YTHDF3: variants seen among roughly 807,000 people sequenced by gnomAD.
YTHDF3 encodes the protein YTH domain-containing family protein 3.
Under a neutral mutation model 52.5 loss-of-function variants are expected in YTHDF3, and 9 were observed. That is an observed-to-expected ratio of 0.17 (90% CI 0.10 to 0.30). The LOEUF (loss-of-function observed/expected upper bound fraction) is 0.30. Ranked by LOEUF, YTHDF3 falls within the 10% of genes least tolerant of loss-of-function variation. The pLI is 1.00. For synonymous variants in YTHDF3, 274 were observed against 243.3 expected, an observed-to-expected ratio of 1.13 and a Z score of -1.18; for missense variants, 534 against 715.0, an observed-to-expected ratio of 0.75 and a Z score of 2.89.
At chr8:63,205,886 C>G (rs1336585556) in intron 4 of YTHDF3, among the ~76,000 whole-genome samples, 1 of 152,126 alleles carries the variant, frequency 6.6e-6, no homozygotes, top group African/African-American at 2.4e-5. Flanking sequence ...AGCAGAGGTT[C>G]TTAAAAAATG....
chr8:63,201,967 C>T (rs962396214), intron 4 of YTHDF3, among the ~76,000 whole-genome samples: 1 of 152,172 alleles, frequency 6.6e-6, no homozygotes, highest in African/African-American at 2.4e-5. Flanking sequence ...TTCTAATCAA[C>T]CTATGCCACC....
At chr8:63,170,960 G>A (rs568125005) in intron 2 of YTHDF3, among the ~76,000 whole-genome samples, 7 of 151,920 alleles carry the variant, frequency 4.6e-5, no homozygotes, top group Non-Finnish European at 7.4e-5. Flanking sequence ...TATGAGTTGA[G>A]TTATCTATAA....
chr8:63,181,836 A>C (rs1463477148), intron 3 of YTHDF3, among the ~76,000 whole-genome samples: 2 of 152,322 alleles, frequency 1.3e-5, no homozygotes, highest in South Asian at 4.1e-4. Context: ...TAGGTTATCT[A>C]ATAGAATTAG....
At chr8:63,183,927 A>G (rs761126005) in intron 3 of YTHDF3, among the ~76,000 whole-genome samples, 9 of 152,204 alleles carry the variant, frequency 5.9e-5, no homozygotes, top group Non-Finnish European at 7.3e-5. Flanking sequence ...TATGTAACCT[A>G]TGCACATCCT....
At chr8:63,188,241 C>T (rs1391413086) in intron 4 of YTHDF3, among the ~76,000 whole-genome samples, 1 of 151,986 alleles carries the variant, frequency 6.6e-6, no homozygotes, top group African/African-American at 2.4e-5. Flanking sequence ...AAGCAATCCT[C>T]CTGCCTTAGA....
intron 4 of YTHDF3, among the ~76,000 whole-genome samples, chr8:63,197,373 G>T (rs907211267): frequency 6.6e-6 from 1 of 152,108 alleles, no homozygotes; most frequent in South Asian, 2.1e-4. Flanking sequence ...CTGTCTATTG[G>T]TTTTTTTCAT....
chr8:63,209,665 G>GTT lies in YTHDF3; in HGVS notation c.1735-17_1735-16insTT. ...TCATTGTAATTCTTTTTGTGTGTGT[G>GTT]TGTTTTTTTTTTTTCAGGAGAGAAA... On this transcript the variant is annotated splice_polypyrimidine_tract_variant and intron_variant, in intron 4 of 4. Coordinates refer to ENST00000539294, the MANE Select transcript of YTHDF3 (RefSeq NM_152758.6). 1 of 1,536,850 alleles carries GTT rather than the reference G, an allele frequency of 6.5e-7. No individual in the cohort carries two copies. The highest frequency in any genetic ancestry group is 8.7e-7 in the Non-Finnish European group (1 of 1,145,400).
chr8:63,186,021 TTATC>T (rs1808474489), intron 3 of YTHDF3, 122 bp from the exon 4 acceptor site: 1 of 1,028,750 alleles, frequency 9.7e-7, no homozygotes. Flanking sequence ...TTAATTTTGT[TTATC>T]TAGAATAGGT....
rs759642549 is a variant in YTHDF3, at chr8:63,187,317, T to A, written c.1306T>A (p.Ser436Thr). The A allele has an allele frequency of 5.6e-6, 9 of 1,614,058 alleles. No homozygotes were observed. The South Asian group carries it at 9.9e-5, about 18-fold the overall frequency. The stretch of plus-strand genomic sequence containing the variant: ...TGACATACATCGTTCCATTAAATAC[T>A]CTATCTGGTGTAGTACTGAGCATGG... ...EDDIHRSIKY[S>T]IWCSTEHGNK... The change falls in exon 4 of 5, where the codon TCT (serine) becomes ACT (threonine). Residue 436 changes from serine (S) to threonine (T), a missense_variant. Ser to Thr is a moderately conservative substitution (Grantham distance 58, BLOSUM62 1). Transcript: ENST00000539294.
At chr8:63,169,433 TC>T (rs755912619) in intron 2 of YTHDF3, 22 bp downstream of exon 2, 4 of 1,576,734 alleles carry the variant, frequency 2.5e-6, no homozygotes, top group Admixed American at 1.8e-5. Context: ...TTTTTTTTTT[TC>T]TTATTGCTCA....
At chr8:63,175,893 A>G (rs1253862496) in intron 3 of YTHDF3, among the ~76,000 whole-genome samples, 1 of 152,156 alleles carries the variant, frequency 6.6e-6, no homozygotes, top group Non-Finnish European at 1.5e-5. Flanking sequence ...ACTATTGAAA[A>G]TTTTAACATA....
chr8:63,173,202 T>TATATATATATATATATATATATATA (rs1554533375), intron 2 of YTHDF3, among the ~76,000 whole-genome samples: 79 of 125,872 alleles, frequency 6.3e-4, no homozygotes, highest in East Asian at 4.0e-3. Context: ...AGGATTATAT[T>TATATATATATATATATATATATATA]TATATATATA....
chr8:63,175,883 A>C (rs1253351475), intron 3 of YTHDF3, among the ~76,000 whole-genome samples: 2 of 152,196 alleles, frequency 1.3e-5, no homozygotes, highest in Non-Finnish European at 2.9e-5. Context: ...TTCATTGATA[A>C]CTATTGAAAA....
At chr8:63,183,994 G>C (rs1808333330) in intron 3 of YTHDF3, among the ~76,000 whole-genome samples, 1 of 151,806 alleles carries the variant, frequency 6.6e-6, no homozygotes, top group Admixed American at 6.6e-5. Context: ...AGTGTAAATG[G>C]TTTGTAAGTG....
chr8:63,188,025 T>G (rs1484577896), intron 4 of YTHDF3, among the ~76,000 whole-genome samples: 1 of 152,204 alleles, frequency 6.6e-6, no homozygotes, highest in Non-Finnish European at 1.5e-5. Flanking sequence ...CTGAATGAAT[T>G]TTGGCATTTG....
intron 1 of YTHDF3, 45 bp downstream of exon 1, chr8:63,168,946 G>A (rs1190264531): frequency 3.2e-6 from 5 of 1,545,920 alleles, no homozygotes; most frequent in Non-Finnish European, 4.4e-6. Flanking sequence ...CCGAGCCCCG[G>A]AGCTCCACCC....
At chr8:63,208,921 G>T (rs1810207224) in intron 4 of YTHDF3, among the ~76,000 whole-genome samples, 1 of 152,176 alleles carries the variant, frequency 6.6e-6, no homozygotes, top group Non-Finnish European at 1.5e-5. Flanking sequence ...AGCCTGGAGT[G>T]CAATGGTGCC....
chr8:63,179,944 CCCGGACGGGGCGGCTGG>C (rs1807978885), intron 3 of YTHDF3, among the ~76,000 whole-genome samples: 1 of 151,286 alleles, frequency 6.6e-6, no homozygotes, highest in South Asian at 2.1e-4. Context: ...CCCCTCACCT[CCCGGACGGGGCGGCTGG>C]CCGGGCGGGG....
chr8:63,170,486 G>A (rs1807251855), intron 2 of YTHDF3, among the ~76,000 whole-genome samples: 1 of 151,924 alleles, frequency 6.6e-6, no homozygotes, highest in African/African-American at 2.4e-5. Flanking sequence ...CATTAAAGAT[G>A]TTTTCTTGCA....
Sources: allele counts gnomAD v4.1 joint callset (sites outside exome capture counted in the v4.1 genomes callset), GRCh38; gene constraint gnomAD v4.1.1; transcripts MANE v1.5; gene names NCBI Gene and HGNC (gene_info 2026-07-23, HGNC 2026-07-21).